Variants in ZFHX3 observed in about 807,000 individuals in gnomAD.
ZFHX3 encodes zinc finger homeobox 3, also known as zinc finger homeobox protein 3.
A neutral mutation model predicts 279.1 loss-of-function variants in ZFHX3; 42 were observed. The ratio of observed to expected loss-of-function variants is 0.15; its 90% CI spans 0.12 to 0.19. The LOEUF (loss-of-function observed/expected upper bound fraction) is 0.19, where lower values mean the gene tolerates loss of function less well. Among genes scored for constraint, ZFHX3 ranks in the 10% least tolerant of loss-of-function variants. The pLI, the probability that ZFHX3 is intolerant of heterozygous loss-of-function variation, is 1.00. For missense variants in ZFHX3, 4,981 were observed against 4,754.0 expected (o/e 1.05, Z -1.40); for synonymous variants, 2,293 against 1,957.8 (o/e 1.17, Z -4.52).
chr16:73,617,164 T>A (rs2052313385), intron 2 of ZFHX3, among the ~76,000 whole-genome samples: 1 of 152,178 alleles, frequency 6.6e-6, no homozygotes, highest in Non-Finnish European at 1.5e-5. Flanking sequence ...TCTTGAAAGG[T>A]ACAGAAGTCC....
At chr16:72,969,376 A>G (rs901726530) in intron 1 of ZFHX3, among the ~76,000 whole-genome samples, 3 of 152,152 alleles carry the variant, frequency 2.0e-5, no homozygotes, top group African/African-American at 2.4e-5. Flanking sequence ...TTCACGTAAT[A>G]CAATACTGAG....
intron 1 of ZFHX3, among the ~76,000 whole-genome samples, chr16:73,833,906 G>T (rs1476156789): frequency 6.6e-6 from 1 of 151,534 alleles, no homozygotes; most frequent in African/African-American, 2.4e-5. Context: ...ATGTGTATGT[G>T]TGTATATGTA....
At chr16:72,851,805 C>T (rs1472155160) in intron 4 of ZFHX3, among the ~76,000 whole-genome samples, 1 of 152,164 alleles carries the variant, frequency 6.6e-6, no homozygotes, top group Non-Finnish European at 1.5e-5. Flanking sequence ...CCCACCCCAG[C>T]CTCCCAAAGT....
chr16:73,757,416 G>T (rs935690686), intron 1 of ZFHX3, among the ~76,000 whole-genome samples: 5 of 152,340 alleles, frequency 3.3e-5, no homozygotes, highest in African/African-American at 1.2e-4. Context: ...AGCTGTGGAT[G>T]TCAGTACTGC....
In ZFHX3 at chr16:73,369,351, T is replaced by C. The variant is rs192114340; in HGVS notation, c.-1290-51015A>G. On this transcript the variant is annotated intron_variant, in intron 3 of 17. Coordinates refer to the ZFHX3 transcript ENST00000641206. Reference sequence around the variant, plus strand: ...TCAAAAAACATTAAGGACTTCAAGATGGTGATGGCAGCGCACTGAACCGAG... The same window carrying C: ...TCAAAAAACATTAAGGACTTCAAGACGGTGATGGCAGCGCACTGAACCGAG... Among the ~76,000 whole-genome samples, 154 of 152,316 alleles carry C rather than the reference T, an allele frequency of 1.0e-3. 1 individual carries two copies. Among genetic ancestry groups the C allele is most frequent in the Middle Eastern group, 3.4e-3 (1 of 294 alleles).
chr16:73,143,941 T>TAAGAA, intron 5 of ZFHX3: 2 of 411,592 alleles, frequency 4.9e-6, no homozygotes, highest in Non-Finnish European at 8.9e-6. Context: ...TTATTTTTCT[T>TAAGAA]AAATAAGATT....
Position 72,844,965 on chromosome 16 carries a change from G to A in ZFHX3, c.3449-15106C>T, listed in dbSNP as rs367682743. Among the ~76,000 whole-genome samples, 19 of 152,020 alleles carry A rather than the reference G, an allele frequency of 1.2e-4. No individual in the cohort carries two copies. In the East Asian group the frequency reaches 2.3e-3, roughly 19 times the overall value. ...CCCTGCCTTCATAGAGAGCTAAGCC[G>A]AGAGCACAGACAGAACTGAAGGTGA... On this transcript the variant is annotated intron_variant, in intron 4 of 9. Transcript: ENST00000268489.
chr16:72,899,901 G>A (rs889161712), intron 3 of ZFHX3, among the ~76,000 whole-genome samples: 10 of 152,052 alleles, frequency 6.6e-5, no homozygotes, highest in South Asian at 6.2e-4. Flanking sequence ...AACATCTACT[G>A]AACATACCTA....
intron 4 of ZFHX3, among the ~76,000 whole-genome samples, chr16:72,832,387 T>C (rs1206635366): frequency 6.6e-6 from 1 of 152,148 alleles, no homozygotes; most frequent in Non-Finnish European, 1.5e-5. Flanking sequence ...GGCTTTTGCT[T>C]TCTTCCCTCC....
chr16:73,205,772 T>C (rs2011774316), intron 5 of ZFHX3, among the ~76,000 whole-genome samples: 1 of 152,088 alleles, frequency 6.6e-6, no homozygotes, highest in Admixed American at 6.6e-5. Flanking sequence ...CTAAAAGAGA[T>C]CATTTGGTGG....
chr16:73,392,985 C>A (rs1001076499), intron 3 of ZFHX3, among the ~76,000 whole-genome samples: 2 of 152,234 alleles, frequency 1.3e-5, no homozygotes, highest in Admixed American at 6.5e-5. Flanking sequence ...CAGGCACCTG[C>A]CATGACCCCC....
intron 1 of ZFHX3, among the ~76,000 whole-genome samples, chr16:73,769,556 C>A (rs953258672): frequency 2.0e-5 from 3 of 152,136 alleles, no homozygotes; most frequent in Non-Finnish European, 4.4e-5. Flanking sequence ...CCAGATTAGG[C>A]AGTTATTTGG....
chr16:73,325,609 T>A (rs1044972055), intron 3 of ZFHX3, among the ~76,000 whole-genome samples: 1 of 152,170 alleles, frequency 6.6e-6, no homozygotes, highest in Admixed American at 6.5e-5. Context: ...AGAATGGGTA[T>A]TGGTGAATGA....
chr16:73,805,392 C>T (rs1234152667), intron 1 of ZFHX3, among the ~76,000 whole-genome samples: 7 of 152,166 alleles, frequency 4.6e-5, no homozygotes, highest in African/African-American at 1.7e-4. Context: ...TGGTCTTGAA[C>T]TCCTGACTGC....
At chr16:72,986,861 C>T (rs117390968) in intron 1 of ZFHX3, among the ~76,000 whole-genome samples, 3,262 of 152,196 alleles carry the variant, frequency 0.021, 66 homozygotes, top group Non-Finnish European at 0.03. Flanking sequence ...AAACATAGAA[C>T]CCAGCCAGGT....
At chr16:73,695,388 C>G (rs1473354399) in intron 1 of ZFHX3, among the ~76,000 whole-genome samples, 1 of 152,058 alleles carries the variant, frequency 6.6e-6, no homozygotes, top group African/African-American at 2.4e-5. Flanking sequence ...AGGCACCCAG[C>G]TGGCTGAGAC....
intron 1 of ZFHX3, among the ~76,000 whole-genome samples, chr16:73,763,923 G>A (rs945573129): frequency 7.7e-6 from 1 of 130,102 alleles, no homozygotes; most frequent in African/African-American, 2.9e-5. Flanking sequence ...AGGGGCAGGG[G>A]GTGGGAGGAC....
intron 5 of ZFHX3, among the ~76,000 whole-genome samples, chr16:72,820,848 G>A (rs977794627): frequency 6.6e-6 from 1 of 152,144 alleles, no homozygotes; most frequent in African/African-American, 2.4e-5. Context: ...CAGAGGTGCA[G>A]GACATAGATC....
intron 1 of ZFHX3, among the ~76,000 whole-genome samples, chr16:73,732,086 G>C (rs1400685929): frequency 6.6e-6 from 1 of 152,164 alleles, no homozygotes; most frequent in African/African-American, 2.4e-5. Flanking sequence ...CATTTAGTAA[G>C]CATCTCTACC....
Sources: gnomAD v4.1 joint callset for allele counts (sites outside exome capture counted in the v4.1 genomes callset) on GRCh38, gnomAD v4.1.1 for gene constraint, MANE v1.5 for transcripts, NCBI Gene and HGNC (gene_info 2026-07-23, HGNC 2026-07-21) for gene names.